PTPRR: variants seen among roughly 807,000 people sequenced by gnomAD.
The protein encoded by PTPRR is protein tyrosine phosphatase receptor type R, also known as receptor-type tyrosine-protein phosphatase R.
In PTPRR, 38 loss-of-function variants were observed where a neutral mutation model predicts 77.2. The observed-to-expected ratio is 0.49, with a 90% CI of 0.38 to 0.65. PTPRR has a LOEUF of 0.65. Ranked by LOEUF, PTPRR falls within the 30% of genes least tolerant of loss-of-function variation. The pLI is 0.00. For synonymous variants in PTPRR, 299 were observed against 283.1 expected, an observed-to-expected ratio of 1.06 and a Z score of -0.57; for missense variants, 744 against 799.2, an observed-to-expected ratio of 0.93 and a Z score of 0.83.
rs564195067 is a variant in PTPRR at position 70,786,137 on chromosome 12, C to A, written c.358-21359G>T. On this transcript the variant is annotated intron_variant, in intron 2 of 13. Coordinates refer to ENST00000283228, the MANE Select transcript of PTPRR (RefSeq NM_002849.4). ...CAAATGTCTGAAAAACGAGGTCAGACAAATTCAGGTTTCTACATCCAGCCC... is the reference window on the plus strand; with the variant it reads ...CAAATGTCTGAAAAACGAGGTCAGAAAAATTCAGGTTTCTACATCCAGCCC... Among the ~76,000 whole-genome samples the A allele has an allele frequency of 5.0e-4, 76 of 152,266 alleles. 1 individual carries two copies. Among genetic ancestry groups the A allele is most frequent in the South Asian group, 4.3e-3 (21 of 4,828 alleles).
At chr12:70,774,643 C>G (rs1304533638) in intron 2 of PTPRR, among the ~76,000 whole-genome samples, 3 of 151,530 alleles carry the variant, frequency 2.0e-5, no homozygotes. Flanking sequence ...TTTTGTAGAG[C>G]ATGCACAGAT....
intron 6 of PTPRR, among the ~76,000 whole-genome samples, chr12:70,708,354 G>A (rs1347285188): frequency 1.3e-5 from 2 of 152,036 alleles, no homozygotes; most frequent in East Asian, 3.9e-4. Flanking sequence ...CAGGAATTGG[G>A]GGGACTATAT....
intron 2 of PTPRR, among the ~76,000 whole-genome samples, chr12:70,794,871 G>A (rs781565665): frequency 2.0e-4 from 30 of 151,486 alleles, no homozygotes; most frequent in Admixed American, 3.9e-4. Context: ...AAGGTGACCC[G>A]GAGAGTAAGA....
chr12:70,697,492 A>G (rs984647761), intron 8 of PTPRR, among the ~76,000 whole-genome samples: 5 of 152,064 alleles, frequency 3.3e-5, no homozygotes, highest in Non-Finnish European at 5.9e-5. Flanking sequence ...GCAAATATTT[A>G]TTTTCTTCCA....
chr12:70,679,866 T>C (rs552942258), intron 10 of PTPRR, among the ~76,000 whole-genome samples: 9 of 152,308 alleles, frequency 5.9e-5, no homozygotes, highest in African/African-American at 1.7e-4. Flanking sequence ...TATCTTTTAA[T>C]TGGAAAATTT....
At chr12:70,803,209 G>T (rs7962633) in intron 2 of PTPRR, among the ~76,000 whole-genome samples, 23,599 of 152,028 alleles carry the variant, frequency 0.16, 2,581 homozygotes, top group African/African-American at 0.31. Context: ...GAAGCGCTCC[G>T]GGGGGCATAA....
Position 70,661,008 on chromosome 12 carries a change from C to T in PTPRR, c.1698G>A (p.Gln566=). The T allele has an allele frequency of 6.2e-7, 1 of 1,613,756 alleles. No individual in the cohort carries two copies. The highest frequency in any genetic ancestry group is 8.5e-7 in the Non-Finnish European group (1 of 1,179,880). The change falls in exon 12 of 14, where the codon CAG becomes CAA. Residue 566 remains glutamine, a synonymous_variant. Coordinates refer to ENST00000283228, the MANE Select transcript of PTPRR (RefSeq NM_002849.4). ...TGTCTTCTTCTACATCCAGCATGAG[C>T]TGTAGGAGGGGCTGGGCACTGTCTG... The part of the protein sequence containing the change: ...KTPDSAQPLL[Q]LMLDVEEDRL...
intron 6 of PTPRR, among the ~76,000 whole-genome samples, chr12:70,705,214 A>T (rs4600308): frequency 0.44 from 67,566 of 152,038 alleles, 17,426 homozygotes; most frequent in Non-Finnish European, 0.56. Context: ...GTTCAATTCT[A>T]ATGACATCAG....
At chr12:70,742,804 C>A (rs1320613345) in intron 6 of PTPRR, among the ~76,000 whole-genome samples, 2 of 151,712 alleles carry the variant, frequency 1.3e-5, no homozygotes, top group East Asian at 1.9e-4. Flanking sequence ...GGAGAAGGTG[C>A]CAGGTCTTCA....
intron 2 of PTPRR, among the ~76,000 whole-genome samples, chr12:70,886,948 A>G (rs1483311113): frequency 6.6e-6 from 1 of 152,236 alleles, no homozygotes; most frequent in South Asian, 2.1e-4. Context: ...GAAGTGCTTC[A>G]TAAGTACTAA....
At chr12:70,750,906 CTTTTTT>C (rs35134063) in intron 5 of PTPRR, among the ~76,000 whole-genome samples, 1 of 141,166 alleles carries the variant, frequency 7.1e-6, no homozygotes, top group Non-Finnish European at 1.5e-5. Context: ...TTTTTAAACC[CTTTTTT>C]TTTTTTTTGT....
intron 1 of PTPRR, among the ~76,000 whole-genome samples, chr12:70,909,292 A>G (rs1893667116): frequency 6.6e-6 from 1 of 152,168 alleles, no homozygotes; most frequent in Non-Finnish European, 1.5e-5. Flanking sequence ...GATTTCATAA[A>G]GTGCATACCC....
At chr12:70,827,204 C>A (rs1477079501) in intron 2 of PTPRR, among the ~76,000 whole-genome samples, 1 of 152,188 alleles carries the variant, frequency 6.6e-6, no homozygotes, top group Non-Finnish European at 1.5e-5. Flanking sequence ...GTTTTCCTCA[C>A]TGGAATATAA....
chr12:70,680,946 C>A (rs1887633733), intron 10 of PTPRR, among the ~76,000 whole-genome samples: 1 of 151,938 alleles, frequency 6.6e-6, no homozygotes, highest in Non-Finnish European at 1.5e-5. Flanking sequence ...AGCATGCTGA[C>A]TGCTCATGAG....
chr12:70,657,792 T>A (rs1468198968), intron 12 of PTPRR, among the ~76,000 whole-genome samples: 1 of 152,152 alleles, frequency 6.6e-6, no homozygotes. Context: ...ACCTCCCACA[T>A]CCAATCTGTT....
intron 1 of PTPRR, among the ~76,000 whole-genome samples, chr12:70,902,056 A>G (rs889975363): frequency 8.6e-5 from 13 of 151,960 alleles, no homozygotes; most frequent in African/African-American, 3.1e-4. Flanking sequence ...CAACCAACAT[A>G]TGAAAAAATG....
At chr12:70,673,439 T>A (rs994502335) in intron 10 of PTPRR, among the ~76,000 whole-genome samples, 1 of 152,244 alleles carries the variant, frequency 6.6e-6, no homozygotes, top group South Asian at 2.1e-4. Context: ...CTGTAATCCT[T>A]GTGAGATATT....
chr12:70,769,341 T>C (rs911287857), intron 2 of PTPRR, among the ~76,000 whole-genome samples: 3 of 151,160 alleles, frequency 2.0e-5, no homozygotes, highest in African/African-American at 7.3e-5. Context: ...TGTACAAAAA[T>C]CACAAGCATT....
intron 10 of PTPRR, 104 bp downstream of exon 10, chr12:70,684,023 G>A (rs1431430664): frequency 4.0e-6 from 5 of 1,253,788 alleles, no homozygotes; most frequent in Non-Finnish European, 4.4e-6. Flanking sequence ...AAATGTCTCA[G>A]AGTTTCCATC....
Sources: gnomAD v4.1 joint callset for allele counts (sites outside exome capture counted in the v4.1 genomes callset) on GRCh38, gnomAD v4.1.1 for gene constraint, MANE v1.5 for transcripts, NCBI Gene and HGNC (gene_info 2026-07-23, HGNC 2026-07-21) for gene names.